BRIP1: variants seen among roughly 807,000 people sequenced by gnomAD.
BRIP1 encodes Fanconi anemia group J protein.
BRIP1 carries 88 observed loss-of-function variants against 119.7 expected under a neutral mutation model. The observed-to-expected ratio is 0.74, with a 90% confidence interval of 0.62 to 0.88. BRIP1 has a LOEUF of 0.88. Among genes scored for constraint, BRIP1 ranks in the 40% least tolerant of loss-of-function variants. The pLI is 0.00. For missense variants in BRIP1, 1,259 were observed against 1,455.4 expected, an observed-to-expected ratio of 0.87 and a Z score of 2.20; for synonymous variants, 443 against 496.5, an observed-to-expected ratio of 0.89 and a Z score of 1.43.
At position 61,705,603 on chromosome 17, in the gene BRIP1, A is replaced by G. The variant is rs2061680513; in HGVS notation, c.2492+10348T>C. ...TTTTTTTCCTGTTTGCCTCACATTT[A>G]TTTAGCTCTTCTTTTTCTAGCTTCA... On this transcript the variant is annotated intron_variant, in intron 17 of 19. Coordinates refer to ENST00000259008, the MANE Select transcript of BRIP1 (RefSeq NM_032043.3). The surrounding 1 kb of genome is among the most constrained non-coding windows in gnomAD (Gnocchi z 5.0). Among the ~76,000 whole-genome samples the G allele has an allele frequency of 6.6e-6, 1 of 151,922 alleles. No homozygotes were observed. Among genetic ancestry groups the G allele is most frequent in the South Asian group, 2.1e-4 (1 of 4,810 alleles).
chr17:61,731,967 TTC>T lies in BRIP1; in HGVS notation c.2379+11044_2379+11045del, dbSNP rs2076850856. ...TGAATAGTTGCTTTTTTTCTTTTCT[TTC>T]TTTCTTTCTTTCTTTTTTTTTTTTT... On this transcript the variant is annotated intron_variant, in intron 16 of 19. Transcript: ENST00000259008. 2.8e-5 allele frequency among the ~76,000 whole-genome samples: 4 copies of T among 140,578 alleles called. No homozygotes were observed. In the South Asian group the frequency reaches 9.6e-4, roughly 34 times the overall value. 92.2% of individuals were successfully genotyped at this position (140,578 alleles called of 152,430 possible).
chr17:61,718,842 C>G (rs2061924420), intron 16 of BRIP1, among the ~76,000 whole-genome samples: 1 of 152,132 alleles, frequency 6.6e-6, no homozygotes, highest in African/African-American at 2.4e-5. Context: ...TGCTCAAGTA[C>G]TTGATACAAA....
Position 61,774,231 on chromosome 17 carries a change from T to G in BRIP1, c.2097+2170A>C, listed in dbSNP as rs1482107340. Among the ~76,000 whole-genome samples the G allele has an allele frequency of 1.3e-5, 2 of 152,136 alleles. No individual in the cohort carries two copies. Among genetic ancestry groups the G allele is most frequent in the Admixed American group, 1.3e-4 (2 of 15,280 alleles). On this transcript the variant is annotated intron_variant, in intron 14 of 19. Transcript: ENST00000259008. This position sits in a 1 kb window ranked among gnomAD's most constrained non-coding sequence, Gnocchi z 5.8. ...CTGGATTAAGAAAATGTGGCACATA[T>G]ACACCATAGAATACTATGCAGCCAT...
chr17:61,848,633 G>C lies in BRIP1; in HGVS notation c.507+496C>G, dbSNP rs529670501. On this transcript the variant is annotated intron_variant, in intron 5 of 19. Transcript: ENST00000259008. This position sits in a 1 kb window ranked among gnomAD's most constrained non-coding sequence, Gnocchi z 4.3. ...ATCCAAATTTCATTTAAAATATCTG[G>C]TAATTCAAGCCTTTTAGTAATTTTT... Among the ~76,000 whole-genome samples, 2 of 152,090 alleles carry C rather than the reference G, an allele frequency of 1.3e-5. No homozygotes were observed. Among genetic ancestry groups the C allele is most frequent in the Non-Finnish European group, 2.9e-5 (2 of 67,996 alleles).
intron 16 of BRIP1, among the ~76,000 whole-genome samples, chr17:61,728,322 A>G (rs2076797465): frequency 1.3e-5 from 2 of 151,778 alleles, no homozygotes; most frequent in Admixed American, 1.3e-4. Context: ...TCAAAAAAAA[A>G]AAAAAAACCC....
Position 61,861,369 on chromosome 17 carries a change from C to T in BRIP1, c.93+78G>A, listed in dbSNP as rs534626749. The stretch of plus-strand genomic sequence containing the variant: ...TCTCCATTTACTGAGAATATGAATG[C>T]AGTCAAATACTCAATGTACTTTATG... On this transcript the variant is annotated intron_variant, in intron 2 of 19. Transcript: ENST00000259008. This position sits in a 1 kb window ranked among gnomAD's most constrained non-coding sequence, Gnocchi z 4.5. The T allele has an allele frequency of 3.0e-4, 280 of 920,794 alleles. 1 individual carries two copies. The South Asian group carries it at 3.6e-3, about 12-fold the overall frequency. The allele number at this position is 920,794 out of a possible 1,614,324, so 57.0% of individuals were successfully genotyped here. A position where few individuals can be genotyped will look rare whatever the true frequency, so the allele number is the denominator to read the frequency against.
chr17:61,833,429 G>A (rs1455162219), intron 6 of BRIP1, among the ~76,000 whole-genome samples: 1 of 152,174 alleles, frequency 6.6e-6, no homozygotes, highest in Non-Finnish European at 1.5e-5. Context: ...CAGCACTTTG[G>A]GAGGCCAAGG....
At chr17:61,826,603 GA>G (rs1185626916) in intron 6 of BRIP1, among the ~76,000 whole-genome samples, 1 of 151,948 alleles carries the variant, frequency 6.6e-6, no homozygotes, top group Admixed American at 6.6e-5. Flanking sequence ...CTTTTCAAAA[GA>G]AGATATATAT....
rs2078098708 is a variant in BRIP1 at position 61,807,976 on chromosome 17, AAG to A, written c.918+489_918+490del. ...GTTAATAATTTAGTATAACTTTTAA[AAG>A]AGGGGTTTGTATTTATCAGAATTAT... On this transcript the variant is annotated intron_variant, in intron 7 of 19. Coordinates refer to ENST00000259008, the MANE Select transcript of BRIP1 (RefSeq NM_032043.3). This position sits in a 1 kb window ranked among gnomAD's most constrained non-coding sequence, Gnocchi z 4.5. Among the ~76,000 whole-genome samples the A allele has an allele frequency of 6.6e-6, 1 of 152,158 alleles. No individual in the cohort carries two copies. The highest frequency in any genetic ancestry group is 1.5e-5 in the Non-Finnish European group (1 of 68,004).
chr17:61,725,791 T>TAA lies in BRIP1; in HGVS notation c.2380-9730_2380-9729dup, dbSNP rs201604334. ...ATACGTGCCCCAACACCAGGCTAATTAAAAAAAAAAATTATTTTAGAGACG... is the reference window on the plus strand; with the variant it reads ...ATACGTGCCCCAACACCAGGCTAATTAAAAAAAAAAAAATTATTTTAGAGACG... On this transcript the variant is annotated intron_variant, in intron 16 of 19. Transcript: ENST00000259008. This position sits in a 1 kb window ranked among gnomAD's most constrained non-coding sequence, Gnocchi z 5.3. Among the ~76,000 whole-genome samples, 3 of 148,726 alleles carry TAA rather than the reference T, an allele frequency of 2.0e-5. No homozygotes were observed. The East Asian group carries it at 5.9e-4, about 29-fold the overall frequency.
At chr17:61,718,598 C>T (rs1193203576) in intron 16 of BRIP1, among the ~76,000 whole-genome samples, 2 of 152,208 alleles carry the variant, frequency 1.3e-5, no homozygotes, top group Non-Finnish European at 2.9e-5. Flanking sequence ...AGTACTCTAC[C>T]TTGCAAATTC....
At position 61,862,503 on chromosome 17, in the gene BRIP1, T is replaced by C. The variant is rs1020255429; in HGVS notation, c.-31+781A>G. 6.6e-6 allele frequency among the ~76,000 whole-genome samples: 1 copy of C among 152,206 alleles called. No individual in the cohort carries two copies. The highest frequency in any genetic ancestry group is 2.4e-5 in the African/African-American group (1 of 41,448). ...ATACAGATGAGGATCACTTTAATCCTCACCTCTTCTAAACCACTTTTCTTA... is the reference window on the plus strand; with the variant it reads ...ATACAGATGAGGATCACTTTAATCCCCACCTCTTCTAAACCACTTTTCTTA... On this transcript the variant is annotated intron_variant, in intron 1 of 19. Coordinates refer to ENST00000259008, the MANE Select transcript of BRIP1 (RefSeq NM_032043.3). The surrounding 1 kb of genome is among the most constrained non-coding windows in gnomAD (Gnocchi z 5.3).
In BRIP1 at chr17:61,734,199, G is replaced by T. The variant is rs2076887844; in HGVS notation, c.2379+8814C>A. On this transcript the variant is annotated intron_variant, in intron 16 of 19. Coordinates refer to ENST00000259008, the MANE Select transcript of BRIP1 (RefSeq NM_032043.3). The surrounding 1 kb of genome is among the most constrained non-coding windows in gnomAD (Gnocchi z 5.2). ...AAGCTGAATACTCCTGTGGTTGTTA[G>T]ATCACAGTAATTGGCCAGAGGATTT... Among the ~76,000 whole-genome samples the T allele has an allele frequency of 6.6e-6, 1 of 152,168 alleles. No individual in the cohort carries two copies. Among genetic ancestry groups the T allele is most frequent in the Non-Finnish European group, 1.5e-5 (1 of 68,018 alleles).
At chr17:61,712,886 G>A (rs571694380) in intron 17 of BRIP1, among the ~76,000 whole-genome samples, 26 of 137,964 alleles carry the variant, frequency 1.9e-4, no homozygotes, top group African/African-American at 6.1e-4. Flanking sequence ...CCTGGCTACA[G>A]AGCGAGACTT....
In BRIP1 at chr17:61,799,246, G is replaced by A. The variant is rs757427498; in HGVS notation, c.1194C>T (p.Ile398=). The A allele has an allele frequency of 1.5e-5, 24 of 1,613,300 alleles. No individual in the cohort carries two copies. In the East Asian group the frequency reaches 3.3e-4, roughly 22 times the overall value. ...QVVILDEAHN[I]EDCARESASY... ...TTGCTGATTCCCGAGCACAGTCCTC[G>A]ATGTTATGAGCTTCATCTAAAATGA... Residue 398 remains isoleucine, a synonymous_variant, in exon 9 of 20, where the codon ATC becomes ATT. Transcript: ENST00000259008. The surrounding 1 kb of genome is among the most constrained non-coding windows in gnomAD (Gnocchi z 5.1).
chr17:61,698,889 G>A (rs1447846300), intron 17 of BRIP1, among the ~76,000 whole-genome samples: 1 of 151,578 alleles, frequency 6.6e-6, no homozygotes, highest in Non-Finnish European at 1.5e-5. Flanking sequence ...TAATTTTTTT[G>A]TACTTTTAGT....
chr17:61,783,177 A>C (rs2077649399), intron 11 of BRIP1, among the ~76,000 whole-genome samples: 1 of 152,200 alleles, frequency 6.6e-6, no homozygotes, highest in South Asian at 2.1e-4. Flanking sequence ...AAATTAACAA[A>C]TTGTGGTATA....
In BRIP1 at chr17:61,799,688, A is replaced by G. The variant is rs1427445752; in HGVS notation, c.1141-389T>C. On this transcript the variant is annotated intron_variant, in intron 8 of 19. Transcript: ENST00000259008. This position sits in a 1 kb window ranked among gnomAD's most constrained non-coding sequence, Gnocchi z 5.1. ...AAAATAACAATATAAGATTAAAAGC[A>G]TAAGACCTTTAAAAGTAAAATAACA... Among the ~76,000 whole-genome samples the G allele has an allele frequency of 6.6e-6, 1 of 152,204 alleles. No homozygotes were observed. The highest frequency in any genetic ancestry group is 1.5e-5 in the Non-Finnish European group (1 of 68,024).
At chr17:61,711,224 G>A (rs1323968838) in intron 17 of BRIP1, among the ~76,000 whole-genome samples, 1 of 151,980 alleles carries the variant, frequency 6.6e-6, no homozygotes, top group Non-Finnish European at 1.5e-5. Context: ...TGTTTCACAT[G>A]GTTTCTTGAA....
Sources: allele counts gnomAD v4.1 joint callset (sites outside exome capture counted in the v4.1 genomes callset), GRCh38; gene constraint gnomAD v4.1.1; non-coding constraint Gnocchi (gnomAD v3.1); transcripts MANE v1.5; gene names NCBI Gene and HGNC (gene_info 2026-07-23, HGNC 2026-07-21).